The following UBE4A variants were observed in gnomAD, a reference collection of about 807,000 sequenced individuals.
The protein encoded by UBE4A is ubiquitin conjugation factor E4 A.
Under a neutral mutation model 117.9 loss-of-function variants are expected in UBE4A, and 48 were observed. That is an observed-to-expected ratio of 0.41 (90% CI 0.32 to 0.52). The LOEUF is 0.52. Ranked by LOEUF, UBE4A falls within the 20% of genes least tolerant of loss-of-function variation. UBE4A has a pLI of 0.33. For synonymous variants in UBE4A, 407 were observed against 450.0 expected, an observed-to-expected ratio of 0.90 and a Z score of 1.21; for missense variants, 1,067 against 1,296.3, an observed-to-expected ratio of 0.82 and a Z score of 2.72.
At position 118,392,855 on chromosome 11, in the gene UBE4A, G is replaced by C. The variant is rs1555128837; in HGVS notation, c.3034G>C (p.Val1012Leu). 1 of 1,614,116 alleles carries C rather than the reference G, an allele frequency of 6.2e-7. No individual in the cohort carries two copies. The highest frequency in any genetic ancestry group is 8.5e-7 in the Non-Finnish European group (1 of 1,180,026). ...CDPVVLPSSR[V>L]TVDRSTIARH... Reference sequence around the variant, plus strand: ...CCCTGTGGTGCTGCCATCTTCCAGAGTCACTGTGGATAGATCCACCATTGC... The same window carrying C: ...CCCTGTGGTGCTGCCATCTTCCAGACTCACTGTGGATAGATCCACCATTGC... The change falls in exon 19 of 20, where the codon GTC becomes CTC. Residue 1012 changes from valine to leucine, a missense_variant. Val to Leu is a conservative substitution (Grantham distance 32). Around this residue, in one of 3 missense-constraint regions of UBE4A, gnomAD observed 34 missense variants for 77.7 expected, o/e 0.44. Transcript: ENST00000252108.
At chr11:118,388,403 C>T (rs1050821918) in intron 16 of UBE4A, among the ~76,000 whole-genome samples, 9 of 151,810 alleles carry the variant, frequency 5.9e-5, no homozygotes, top group Admixed American at 2.6e-4. Flanking sequence ...GTAATCCCAG[C>T]ACTTTGGGAG....
intron 4 of UBE4A, 48 bp downstream of exon 4, chr11:118,369,583 T>C: frequency 2.1e-6 from 3 of 1,406,346 alleles, no homozygotes; most frequent in South Asian, 2.3e-5. Context: ...AAATTAGCTA[T>C]GCGGCTGAAT....
rs1318808102 is a variant in UBE4A at position 118,396,718 on chromosome 11, ATTC to A, written c.*285_*287del. 1.2e-5 allele frequency: 3 copies of A among 244,298 alleles called. No individual in the cohort carries two copies. The highest frequency in any genetic ancestry group is 2.3e-5 in the African/African-American group (1 of 43,086). 15.1% of individuals were successfully genotyped at this position (244,298 alleles called of 1,614,324 possible). A position where few individuals can be genotyped will look rare whatever the true frequency, so the allele number is the denominator to read the frequency against. On this transcript the variant is annotated 3_prime_UTR_variant, in exon 20 of 20. Coordinates refer to ENST00000252108, the MANE Select transcript of UBE4A (RefSeq NM_001204077.2). ...TTTTCACCCTCTGTTGTCTCTTCAT[ATTC>A]TTCTTCCTTTTCCTAAATGAAATTA...
intron 19 of UBE4A, 105 bp downstream of exon 19, chr11:118,393,000 A>G: frequency 9.0e-7 from 1 of 1,116,812 alleles, no homozygotes; most frequent in Non-Finnish European, 1.2e-6. Context: ...CACATACCAC[A>G]TATTATTGAT....
chr11:118,384,737 TGA>T lies in UBE4A; in HGVS notation c.2298+8_2298+9del. ...GATACCTATCGGGAGAGCATTAAGG[TGA>T]GAGAGTTTTTGATGAAACCTGTTGC... is the stretch of plus-strand genomic sequence containing the variant. On this transcript the variant is annotated splice_donor_region_variant and intron_variant, in intron 14 of 19. Transcript: ENST00000252108. The T allele has an allele frequency of 1.2e-6, 2 of 1,613,376 alleles. No individual in the cohort carries two copies. Among genetic ancestry groups the T allele is most frequent in the Non-Finnish European group, 1.7e-6 (2 of 1,179,532 alleles).
Position 118,371,672 on chromosome 11 carries a change from G to A in UBE4A, c.561+6G>A, listed in dbSNP as rs1948611374. The A allele has an allele frequency of 2.5e-6, 4 of 1,609,400 alleles. No homozygotes were observed. Among genetic ancestry groups the A allele is most frequent in the Non-Finnish European group, 3.4e-6 (4 of 1,179,440 alleles). Reference sequence around the variant, plus strand: ...TCCAGAGAGCCAAGGAAGAGGTAAAGGAATAATCCCCATTGAATACTGTAT... The same window carrying A: ...TCCAGAGAGCCAAGGAAGAGGTAAAAGAATAATCCCCATTGAATACTGTAT... On this transcript the variant is annotated splice_donor_region_variant and intron_variant, in intron 5 of 19. Transcript: ENST00000252108.
At chr11:118,388,687 T>A (rs1948783123) in intron 16 of UBE4A, among the ~76,000 whole-genome samples, 1 of 149,222 alleles carries the variant, frequency 6.7e-6, no homozygotes, top group East Asian at 1.9e-4. Flanking sequence ...ACAAGATGTA[T>A]CCACAATGAA....
chr11:118,364,807 G>A (rs562636463), intron 1 of UBE4A, among the ~76,000 whole-genome samples: 2 of 150,404 alleles, frequency 1.3e-5, no homozygotes, highest in South Asian at 4.2e-4. Flanking sequence ...CCAGCTGAAC[G>A]TTTTAGCCTT....
chr11:118,363,213 A>G (rs1018289376), intron 1 of UBE4A, among the ~76,000 whole-genome samples: 14 of 151,978 alleles, frequency 9.2e-5, no homozygotes, highest in Non-Finnish European at 4.4e-5. Flanking sequence ...CTTTTTTTGC[A>G]TTATTAAGCT....
At chr11:118,393,626 C>T (rs180802428) in intron 19 of UBE4A, among the ~76,000 whole-genome samples, 143 of 151,602 alleles carry the variant, frequency 9.4e-4, no homozygotes, top group Non-Finnish European at 1.2e-3. Flanking sequence ...GACAGAGTCT[C>T]GCTCTGTCAC....
chr11:118,373,793 T>G, intron 8 of UBE4A, 108 bp downstream of exon 8: 17 of 1,315,934 alleles, frequency 1.3e-5, no homozygotes, highest in Non-Finnish European at 1.7e-5. Context: ...CAAATTGATC[T>G]AGTTGGCTTT....
At chr11:118,373,366 A>T (rs986092378) in intron 7 of UBE4A, 78 bp downstream of exon 7, 8 of 1,541,228 alleles carry the variant, frequency 5.2e-6, no homozygotes, top group Non-Finnish European at 7.0e-6. Context: ...AAGACACTAT[A>T]ATACTACCTA....
intron 12 of UBE4A, 65 bp downstream of exon 12, chr11:118,381,588 C>A: frequency 1.3e-6 from 2 of 1,571,964 alleles, no homozygotes; most frequent in Non-Finnish European, 1.7e-6. Context: ...GACTTCTAAA[C>A]CAAGAAATAA....
At position 118,375,151 on chromosome 11, in the gene UBE4A, C is replaced by T; in HGVS notation, c.1372C>T (p.Leu458Phe). The T allele has an allele frequency of 6.2e-7, 1 of 1,614,148 alleles. No individual in the cohort carries two copies. Among genetic ancestry groups the T allele is most frequent in the Non-Finnish European group, 8.5e-7 (1 of 1,180,030 alleles). Reference sequence around the variant, plus strand: ...TTGCAAACCCAGATCCTCTCGGCTCCTCACCTTTAATCCCACATACTGTGC... The same window carrying T: ...TTGCAAACCCAGATCCTCTCGGCTCTTCACCTTTAATCCCACATACTGTGC... ...PFCKPRSSRL[L>F]TFNPTYCALK... The change falls in exon 9 of 20, where the codon CTC becomes TTC. Residue 458 changes from leucine (L) to phenylalanine (F), a missense_variant. Leu to Phe is a conservative substitution (Grantham distance 22, BLOSUM62 0). Transcript: ENST00000252108.
At chr11:118,380,972 T>G (rs2134100162) in intron 11 of UBE4A, among the ~76,000 whole-genome samples, 1 of 152,062 alleles carries the variant, frequency 6.6e-6, no homozygotes, top group South Asian at 2.1e-4. Flanking sequence ...TCTGAAAGAG[T>G]GAATGTGGGA....
In UBE4A at chr11:118,368,261, A is replaced by G. The variant is rs79863075; in HGVS notation, c.122-370A>G. Among the ~76,000 whole-genome samples, 1,318 of 152,344 alleles carry G rather than the reference A, an allele frequency of 8.7e-3. 21 individuals are homozygous for G. The highest frequency in any genetic ancestry group is 0.03 in the African/African-American group (1,253 of 41,568). Reference sequence around the variant, plus strand: ...TTTCTGTACAGTTAAGAACTATTAAAACAAATGTTATCTCTTAAAATCAGG... The same window carrying G: ...TTTCTGTACAGTTAAGAACTATTAAGACAAATGTTATCTCTTAAAATCAGG... On this transcript the variant is annotated intron_variant, in intron 2 of 19. Coordinates refer to ENST00000252108, the MANE Select transcript of UBE4A (RefSeq NM_001204077.2).
At chr11:118,379,348 C>A (rs1312088762) in intron 10 of UBE4A, 98 bp from the exon 11 acceptor site, 60 of 1,357,232 alleles carry the variant, frequency 4.4e-5, no homozygotes, top group South Asian at 6.8e-5. Context: ...CAACTCCCTA[C>A]TATCCTTAAA....
chr11:118,382,677 T>C lies in UBE4A; in HGVS notation c.2098T>C (p.Ser700Pro). 6.2e-7 allele frequency: 1 copy of C among 1,605,954 alleles called. No homozygotes were observed. The highest frequency in any genetic ancestry group is 8.5e-7 in the Non-Finnish European group (1 of 1,175,648). Residue 700 changes from serine to proline, a missense_variant, in exon 13 of 20, where the codon TCC becomes CCC. Around this residue, in one of 3 missense-constraint regions of UBE4A, gnomAD observed 1,001 missense variants for 1,184.0 expected, o/e 0.85. Coordinates refer to ENST00000252108, the MANE Select transcript of UBE4A (RefSeq NM_001204077.2). ...HLDQTPNPLVSSVFHRKRVFC... is the reference protein window; with the variant it reads ...HLDQTPNPLVPSVFHRKRVFC... ...GGATCAGACCCCAAATCCCTTGGTA[T>C]CCAGTGTGTTCCACCGGAAACGTGT...
chr11:118,361,199 T>C (rs1043956220), intron 1 of UBE4A, among the ~76,000 whole-genome samples: 1 of 152,012 alleles, frequency 6.6e-6, no homozygotes, highest in Non-Finnish European at 1.5e-5. Flanking sequence ...TAATCGCTTT[T>C]AGTGGAGACG....
Sources: gnomAD v4.1 joint callset for allele counts (sites outside exome capture counted in the v4.1 genomes callset) on GRCh38, gnomAD v4.1.1 for gene constraint, gnomAD v4.1.1 regional missense constraint, MANE v1.5 for transcripts, NCBI Gene and HGNC (gene_info 2026-07-23, HGNC 2026-07-21) for gene names.